AFDN: variants seen among roughly 807,000 people sequenced by gnomAD.
AFDN encodes the protein afadin, adherens junction formation factor, also known as afadin.
In AFDN, 68 loss-of-function variants were observed where a neutral mutation model predicts 216.6. The ratio of observed to expected loss-of-function variants is 0.31; its 90% confidence interval spans 0.26 to 0.38. The LOEUF (loss-of-function observed/expected upper bound fraction) is 0.38, where lower values mean the gene tolerates loss of function less well. Among genes scored for constraint, AFDN ranks in the 10% least tolerant of loss-of-function variants. The probability of loss-of-function intolerance (pLI) is 1.00; values close to 1 mark genes in which losing one functional copy is unlikely to be tolerated. For synonymous variants in AFDN, 868 were observed against 853.7 expected, an observed-to-expected ratio of 1.02 and a Z score of -0.29; for missense variants, 2,136 against 2,342.0, an observed-to-expected ratio of 0.91 and a Z score of 1.82.
At chr6:167,870,078 G>A (rs1223745634) in intron 2 of AFDN, among the ~76,000 whole-genome samples, 1 of 152,116 alleles carries the variant, frequency 6.6e-6, no homozygotes, top group African/African-American at 2.4e-5. Context: ...ACAGAAATAA[G>A]CTTTTAGCAA....
chr6:167,932,018 CTG>C (rs1793368570), intron 23 of AFDN, among the ~76,000 whole-genome samples: 1 of 152,182 alleles, frequency 6.6e-6, no homozygotes, highest in Admixed American at 6.5e-5. Flanking sequence ...GAGAGAGAAG[CTG>C]TGTCAGGCAT....
At chr6:167,963,318 C>T in intron 31 of AFDN, 5 of 1,061,806 alleles carry the variant, frequency 4.7e-6, no homozygotes, top group Non-Finnish European at 4.6e-6. Context: ...CCCGAGGGGA[C>T]TGCGTGTTGC....
rs1583387688 is a variant in AFDN at position 167,913,946 on chromosome 6, G to A, written c.2059-222G>A. On this transcript the variant is annotated intron_variant, in intron 16 of 33. Coordinates refer to ENST00000683244, the MANE Select transcript of AFDN (RefSeq NM_001386888.1). ...AAATTGTAGCTAACTGAATCCATAT[G>A]TCTATGTGCATGAATCCTAAGAAAT... 2.8e-5 allele frequency: 15 copies of A among 539,046 alleles called. No homozygotes were observed. In the East Asian group the frequency reaches 4.5e-4, roughly 16 times the overall value. 33.4% of individuals were successfully genotyped at this position (539,046 alleles called of 1,614,324 possible).
At chr6:167,858,396 T>G (rs1407494169) in intron 1 of AFDN, among the ~76,000 whole-genome samples, 1 of 152,230 alleles carries the variant, frequency 6.6e-6, no homozygotes, top group East Asian at 1.9e-4. Context: ...GTTTGGGTAC[T>G]GGATGGATTT....
rs761170465 is a variant in AFDN, at chr6:167,872,263, A to G, written c.464A>G (p.Gln155Arg). 9 of 1,613,692 alleles carry G rather than the reference A, an allele frequency of 5.6e-6. No individual in the cohort carries two copies. The South Asian group carries it at 9.9e-5, about 18-fold the overall frequency. ...AAGCAGGAAAAAGAAGGGGTTATCC[A>G]GAACTTCAAGAGAACTCTCTCAAAG... ...PEKQEKEGVI[Q>R]NFKRTLSKKE... The change falls in exon 4 of 34, where the codon CAG (glutamine) becomes CGG (arginine). Residue 155 changes from glutamine (Q) to arginine (R), a missense_variant. By Grantham distance (43) the Gln-to-Arg change is conservative. Transcript: ENST00000683244.
intron 12 of AFDN, among the ~76,000 whole-genome samples, chr6:167,905,752 A>AT (rs927436879): frequency 2.0e-5 from 3 of 152,102 alleles, no homozygotes; most frequent in African/African-American, 7.3e-5. Flanking sequence ...ATTTATAACA[A>AT]TTTTTTAATA....
chr6:167,963,670 A>G, intron 31 of AFDN: 6 of 1,060,418 alleles, frequency 5.7e-6, no homozygotes, highest in Non-Finnish European at 6.8e-6. Context: ...TTTGCCCTCT[A>G]AGTTTATCAT....
At chr6:167,913,677 G>C in intron 16 of AFDN, 1 of 517,548 alleles carries the variant, frequency 1.9e-6, no homozygotes, top group East Asian at 3.2e-5. Flanking sequence ...ATTTATCCTT[G>C]GTTCCTATTC....
chr6:167,962,112 T>G lies in AFDN; in HGVS notation c.4834-321T>G, dbSNP rs1797095044. Among the ~76,000 whole-genome samples, 3 of 152,278 alleles carry G rather than the reference T, an allele frequency of 2.0e-5. No individual in the cohort carries two copies. The South Asian group carries it at 6.2e-4, about 32-fold the overall frequency. On this transcript the variant is annotated intron_variant, in intron 30 of 33. Coordinates refer to ENST00000683244, the MANE Select transcript of AFDN (RefSeq NM_001386888.1). This position sits in a 1 kb window ranked among gnomAD's most constrained non-coding sequence, Gnocchi z 5.2. ...GAGCCTGTTAATTTACATGAACGGGTTAACTAAATTTGTTCCAGTAAAAGA... is the reference window on the plus strand; with the variant it reads ...GAGCCTGTTAATTTACATGAACGGGGTAACTAAATTTGTTCCAGTAAAAGA...
At chr6:167,944,133 G>C in intron 26 of AFDN, 74 bp downstream of exon 26, 1 of 1,175,660 alleles carries the variant, frequency 8.5e-7, no homozygotes, top group Non-Finnish European at 1.3e-6. Flanking sequence ...CCCCATGGAG[G>C]AGGTACTGGT....
At chr6:167,872,462 A>T (rs1784896254) in intron 4 of AFDN, 85 bp downstream of exon 4, 1 of 1,400,004 alleles carries the variant, frequency 7.1e-7, no homozygotes, top group Non-Finnish European at 9.8e-7. Context: ...ATTTTCAGAT[A>T]AATTATGGAA....
intron 26 of AFDN, among the ~76,000 whole-genome samples, chr6:167,945,469 A>G (rs924890452): frequency 1.3e-5 from 2 of 152,244 alleles, no homozygotes; most frequent in African/African-American, 2.4e-5. Context: ...AGTAAAATAT[A>G]TAAACAAGCA....
chr6:167,871,880 A>T (rs1308600863), intron 3 of AFDN, among the ~76,000 whole-genome samples: 1 of 152,188 alleles, frequency 6.6e-6, no homozygotes, highest in Non-Finnish European at 1.5e-5. Flanking sequence ...TTATTTACTG[A>T]AAATCAGATT....
At position 167,914,215 on chromosome 6, in the gene AFDN, A is replaced by G; in HGVS notation, c.2106A>G (p.Ala702=). 1 of 1,614,206 alleles carries G rather than the reference A, an allele frequency of 6.2e-7. No homozygotes were observed. Among genetic ancestry groups the G allele is most frequent in the Non-Finnish European group, 8.5e-7 (1 of 1,180,008 alleles). ...AGALAFWMAN[A]SELLNFIKQD... ...CACTTGCCTTCTGGATGGCAAATGC[A>G]TCTGAACTTCTCAACTTCATTAAGC... Residue 702 remains alanine, a synonymous_variant, in exon 17 of 34, where the codon GCA becomes GCG. Coordinates refer to ENST00000683244, the MANE Select transcript of AFDN (RefSeq NM_001386888.1).
chr6:167,826,769 C>A (rs1439667568), upstream of AFDN: 1 of 347,834 alleles, frequency 2.9e-6, no homozygotes, highest in Non-Finnish European at 5.7e-6. Flanking sequence ...CCCTCCCTGG[C>A]GGCCGCGGCA....
At chr6:167,829,630 G>C (rs1779609763) in intron 1 of AFDN, among the ~76,000 whole-genome samples, 1 of 151,630 alleles carries the variant, frequency 6.6e-6, no homozygotes, top group Admixed American at 6.6e-5. Flanking sequence ...TATTTACTTG[G>C]GTAATCTTTT....
intron 1 of AFDN, among the ~76,000 whole-genome samples, chr6:167,843,217 A>T (rs1018389263): frequency 6.6e-6 from 1 of 152,112 alleles, no homozygotes; most frequent in Non-Finnish European, 1.5e-5. Context: ...TCTATACTCA[A>T]ATGTTACATT....
At chr6:167,952,960 AAC>A (rs1218755716) in intron 30 of AFDN, among the ~76,000 whole-genome samples, 2 of 152,366 alleles carry the variant, frequency 1.3e-5, no homozygotes, top group South Asian at 2.1e-4. Context: ...AAATTCGTTT[AAC>A]ACAATAAATT....
intron 12 of AFDN, among the ~76,000 whole-genome samples, chr6:167,904,582 G>A (rs1021747309): frequency 3.3e-5 from 5 of 152,138 alleles, no homozygotes; most frequent in African/African-American, 1.2e-4. Flanking sequence ...ATTAAATCTA[G>A]CTAAAAGAAG....
Sources: allele counts gnomAD v4.1 joint callset (sites outside exome capture counted in the v4.1 genomes callset), GRCh38; gene constraint gnomAD v4.1.1; non-coding constraint Gnocchi (gnomAD v3.1); transcripts MANE v1.5; gene names NCBI Gene and HGNC (gene_info 2026-07-23, HGNC 2026-07-21).